The following SLAIN1 variants were observed in gnomAD, a reference collection of about 807,000 sequenced individuals.
The protein encoded by SLAIN1 is SLAIN motif-containing protein 1.
SLAIN1 carries 17 observed loss-of-function variants against 55.4 expected under a neutral mutation model. The observed-to-expected ratio is 0.31, with a 90% CI of 0.21 to 0.46. SLAIN1 has a LOEUF of 0.46. SLAIN1 is among the 20% of genes least tolerant of loss of function. The pLI, the probability that SLAIN1 is intolerant of heterozygous loss-of-function variation, is 1.00. For synonymous variants in SLAIN1, 348 were observed against 337.4 expected (o/e 1.03, Z -0.35); for missense variants, 682 against 785.1 (o/e 0.87, Z 1.57).
chr13:77,729,733 T>C (rs1299500044), intron 2 of SLAIN1, among the ~76,000 whole-genome samples: 2 of 152,110 alleles, frequency 1.3e-5, no homozygotes, highest in African/African-American at 4.8e-5. Context: ...TGCATTCTGA[T>C]GCAAAAAACA....
Position 77,698,962 on chromosome 13 carries a change from C to G in SLAIN1, c.626+423C>G. 5.2e-6 allele frequency: 8 copies of G among 1,534,380 alleles called. No individual in the cohort carries two copies. Among genetic ancestry groups the G allele is most frequent in the Non-Finnish European group, 7.0e-6 (8 of 1,146,782 alleles). On this transcript the variant is annotated intron_variant, in intron 1 of 6. Transcript: ENST00000418532. The surrounding 1 kb of genome is among the most constrained non-coding windows in gnomAD (Gnocchi z 4.1). The stretch of plus-strand genomic sequence containing the variant: ...GCCTCTGTCTGCGACTGTTACTGTT[C>G]TTTCGTTTTAAACGAACGCTGGACA...
chr13:77,751,329 T>A (rs1444160722), intron 4 of SLAIN1, among the ~76,000 whole-genome samples: 1 of 152,172 alleles, frequency 6.6e-6, no homozygotes, highest in African/African-American at 2.4e-5. Flanking sequence ...TGGGAAAAAA[T>A]TTAATTTTAA....
chr13:77,724,242 T>TA (rs781475772), intron 2 of SLAIN1, among the ~76,000 whole-genome samples: 1 of 152,200 alleles, frequency 6.6e-6, no homozygotes, highest in Non-Finnish European at 1.5e-5. Flanking sequence ...CTGGAGGGTT[T>TA]AGGTGCTTTC....
chr13:77,743,099 A>C (rs1213298967), intron 2 of SLAIN1: 1 of 1,303,530 alleles, frequency 7.7e-7, no homozygotes, highest in South Asian at 1.2e-5. Context: ...CCCTTATAGC[A>C]ATGGCATTAA....
In SLAIN1 at chr13:77,744,373, T is replaced by C; in HGVS notation, c.857T>C (p.Met286Thr). 1.9e-6 allele frequency: 3 copies of C among 1,612,792 alleles called. No individual in the cohort carries two copies. The highest frequency in any genetic ancestry group is 2.2e-5 in the East Asian group (1 of 44,854). Residue 286 changes from methionine to threonine, a missense_variant, in exon 3 of 7, where the codon ATG becomes ACG. Met to Thr is a moderately conservative substitution (Grantham distance 81). Coordinates refer to ENST00000418532, the MANE Select transcript of SLAIN1 (RefSeq NM_001242868.2). ...GAATTGGAGGATGATTCTATCTCCA[T>C]GGGATATAAATTACAGGACCTCACT... ...TSELEDDSIS[M>T]GYKLQDLTDV...
At chr13:77,730,886 A>C (rs1404906241) in intron 2 of SLAIN1, among the ~76,000 whole-genome samples, 2 of 152,166 alleles carry the variant, frequency 1.3e-5, no homozygotes, top group Non-Finnish European at 2.9e-5. Context: ...CAATTAAATC[A>C]TAAGTTTTTT....
chr13:77,727,314 G>T (rs2091315841), intron 2 of SLAIN1, among the ~76,000 whole-genome samples: 1 of 152,028 alleles, frequency 6.6e-6, no homozygotes, highest in Non-Finnish European at 1.5e-5. Flanking sequence ...TGAAGATGGA[G>T]GTCTATACCT....
At position 77,698,157 on chromosome 13, in the gene SLAIN1, A is replaced by G. The variant is rs1256876017; in HGVS notation, c.244A>G (p.Ser82Gly). The G allele has an allele frequency of 2.6e-6, 3 of 1,147,406 alleles. No homozygotes were observed. Among genetic ancestry groups the G allele is most frequent in the Non-Finnish European group, 3.2e-6 (3 of 933,112 alleles). 71.1% of individuals were successfully genotyped at this position (1,147,406 alleles called of 1,614,324 possible). A position where few individuals can be genotyped will look rare whatever the true frequency, so the allele number is the denominator to read the frequency against. The change falls in exon 1 of 7, where the codon AGC becomes GGC. Residue 82 changes from serine (S) to glycine (G), a missense_variant. Coordinates refer to ENST00000418532, the MANE Select transcript of SLAIN1 (RefSeq NM_001242868.2). This position sits in a 1 kb window ranked among gnomAD's most constrained non-coding sequence, Gnocchi z 4.1. ...PAGLQPLGPR[S>G]PPAATATAAA... ...TGGCCTGCAGCCTTTGGGTCCTCGG[A>G]GCCCCCCGGCCGCCACGGCCACCGC...
At position 77,698,739 on chromosome 13, in the gene SLAIN1, T is replaced by A; in HGVS notation, c.626+200T>A. 1 of 1,098,406 alleles carries A rather than the reference T, an allele frequency of 9.1e-7. No homozygotes were observed. Among genetic ancestry groups the A allele is most frequent in the Non-Finnish European group, 1.2e-6 (1 of 809,988 alleles). The allele number at this position is 1,098,406 out of a possible 1,614,324, so 68.0% of individuals were successfully genotyped here. A position where few individuals can be genotyped will look rare whatever the true frequency, so the allele number is the denominator to read the frequency against. ...GAGGCTTCTCATGAAGGCAGAAACC[T>A]GTTTTCTAATCGCTCCGACTGCGGA... is the stretch of plus-strand genomic sequence containing the variant. On this transcript the variant is annotated intron_variant, in intron 1 of 6. Transcript: ENST00000418532. This position sits in a 1 kb window ranked among gnomAD's most constrained non-coding sequence, Gnocchi z 4.1.
chr13:77,758,782 G>A (rs535187380), intron 5 of SLAIN1, among the ~76,000 whole-genome samples: 14 of 151,892 alleles, frequency 9.2e-5, no homozygotes, highest in Non-Finnish European at 2.1e-4. Context: ...TCAATTGGTC[G>A]ATATGCCTAT....
intron 5 of SLAIN1, among the ~76,000 whole-genome samples, chr13:77,757,607 C>T (rs1245431123): frequency 6.6e-6 from 1 of 151,932 alleles, no homozygotes; most frequent in East Asian, 1.9e-4. Flanking sequence ...CCCACAAGTC[C>T]CCAGAGTCCA....
chr13:77,724,918 T>C lies in SLAIN1; in HGVS notation c.766+5247T>C, dbSNP rs576390435. ...AGTCCGCATTTTTGAGTAACAGATA[T>C]TACTGAGTGTTTTCTTTGAGACTAG... On this transcript the variant is annotated intron_variant, in intron 2 of 6. Transcript: ENST00000418532. Among the ~76,000 whole-genome samples the C allele has an allele frequency of 3.9e-5, 6 of 152,304 alleles. No homozygotes were observed. The East Asian group carries it at 7.7e-4, about 20-fold the overall frequency.
Position 77,698,392 on chromosome 13 carries a change from G to A in SLAIN1, c.479G>A (p.Gly160Asp). 9 of 1,413,718 alleles carry A rather than the reference G, an allele frequency of 6.4e-6. No individual in the cohort carries two copies. Among genetic ancestry groups the A allele is most frequent in the Admixed American group, 2.7e-5 (1 of 37,100 alleles). 87.6% of individuals were successfully genotyped at this position (1,413,718 alleles called of 1,614,324 possible). ...CCGGCAGCAGGCTTCTTCGGCGCGG[G>A]CGGTGGCGGGCCGGAGCCGGGGGGC... ...FKPAAGFFGA[G>D]GGGPEPGGAG... The change falls in exon 1 of 7, where the codon GGC (glycine) becomes GAC (aspartate). Residue 160 changes from glycine (G) to aspartate (D), a missense_variant. Transcript: ENST00000418532. This position sits in a 1 kb window ranked among gnomAD's most constrained non-coding sequence, Gnocchi z 4.1.
intron 5 of SLAIN1, among the ~76,000 whole-genome samples, chr13:77,759,675 T>C (rs998915180): frequency 6.6e-6 from 1 of 152,208 alleles, no homozygotes; most frequent in Non-Finnish European, 1.5e-5. Context: ...TATCAAATGC[T>C]TTTTTGTATC....
chr13:77,697,805 G>A lies in SLAIN1; in HGVS notation c.-109G>A. ...GCTCGGCCTCAGCCCGCGCGTGGTCGGCCCCCCAGGCCGGGGCGACAGGGA... is the reference window on the plus strand; with the variant it reads ...GCTCGGCCTCAGCCCGCGCGTGGTCAGCCCCCCAGGCCGGGGCGACAGGGA... On this transcript the variant is annotated 5_prime_UTR_variant, in exon 1 of 7. Transcript: ENST00000418532. 1 of 1,124,088 alleles carries A rather than the reference G, an allele frequency of 8.9e-7. No homozygotes were observed. The highest frequency in any genetic ancestry group is 1.1e-6 in the Non-Finnish European group (1 of 909,190). 69.6% of individuals were successfully genotyped at this position (1,124,088 alleles called of 1,614,324 possible).
At chr13:77,759,127 C>G (rs1027808301) in intron 5 of SLAIN1, among the ~76,000 whole-genome samples, 2 of 151,814 alleles carry the variant, frequency 1.3e-5, no homozygotes, top group African/African-American at 4.8e-5. Flanking sequence ...TGTAGTTTTC[C>G]TTGTAAGATT....
intron 1 of SLAIN1, among the ~76,000 whole-genome samples, chr13:77,701,068 G>C (rs770264016): frequency 1.3e-5 from 2 of 152,084 alleles, no homozygotes; most frequent in Non-Finnish European, 2.9e-5. Context: ...GTGTATTCAT[G>C]TGACATCACA....
At chr13:77,741,194 A>G (rs1873411730) in intron 2 of SLAIN1, 1 of 985,516 alleles carries the variant, frequency 1.0e-6, no homozygotes, top group African/African-American at 1.7e-5. Flanking sequence ...ACTGGTATAA[A>G]ATAACATCAT....
chr13:77,752,845 A>T (rs928398206), intron 4 of SLAIN1, among the ~76,000 whole-genome samples: 1 of 152,202 alleles, frequency 6.6e-6, no homozygotes, highest in African/African-American at 2.4e-5. Flanking sequence ...CCATGCTGGC[A>T]GCTGATTAGA....
Sources: gnomAD v4.1 joint callset for allele counts (sites outside exome capture counted in the v4.1 genomes callset) on GRCh38, gnomAD v4.1.1 for gene constraint, Gnocchi (gnomAD v3.1) non-coding constraint, MANE v1.5 for transcripts, NCBI Gene and HGNC (gene_info 2026-07-23, HGNC 2026-07-21) for gene names.